The following DUS3L variants were observed in gnomAD, a reference collection of about 807,000 sequenced individuals.
The protein encoded by DUS3L is dihydrouridine synthase 3 like, also known as tRNA-dihydrouridine(47) synthase [NAD(P)(+)]-like.
In DUS3L, 62 loss-of-function variants were observed where a neutral mutation model predicts 74.6. The observed-to-expected ratio is 0.83, with a 90% CI of 0.68 to 1.03. The LOEUF (loss-of-function observed/expected upper bound fraction) is 1.03, where lower values mean the gene tolerates loss of function less well. Among genes scored for constraint, DUS3L ranks in the 50% least tolerant of loss-of-function variants. The pLI is 0.00. For synonymous variants in DUS3L, 433 were observed against 395.7 expected, an observed-to-expected ratio of 1.09 and a Z score of -1.12; for missense variants, 884 against 924.4, an observed-to-expected ratio of 0.96 and a Z score of 0.57.
chr19:5,787,799 G>C (rs1568386936), intron 5 of DUS3L, 94 bp from the exon 6 acceptor site: 1 of 1,497,166 alleles, frequency 6.7e-7, no homozygotes, highest in Non-Finnish European at 9.2e-7. Flanking sequence ...CCCTGAGCCA[G>C]TGGCCTCCTC....
rs943332803 is a variant in DUS3L, at chr19:5,785,616, A to G, written c.1738T>C (p.Ser580Pro). ...CCCGGTGCCCACCGGCACAGGAAGGACAGCCACTCGAGCAGAAAGCGCCGG... is the reference window on the plus strand; with the variant it reads ...CCCGGTGCCCACCGGCACAGGAAGGGCAGCCACTCGAGCAGAAAGCGCCGG... Reference protein sequence around the residue: ...KTRRFLLEWLSFLCRYVPVGL... With the variant: ...KTRRFLLEWLPFLCRYVPVGL... The change falls in exon 11 of 13, where the codon TCC becomes CCC. Residue 580 changes from serine (S) to proline (P), a missense_variant. Coordinates refer to ENST00000309061, the MANE Select transcript of DUS3L (RefSeq NM_020175.3). The G allele has an allele frequency of 1.2e-6, 2 of 1,607,100 alleles. No individual in the cohort carries two copies. Among genetic ancestry groups the G allele is most frequent in the Non-Finnish European group, 1.7e-6 (2 of 1,176,718 alleles).
intron 1 of DUS3L, chr19:5,790,773 G>A (rs1397646787): frequency 5.2e-6 from 3 of 581,366 alleles, no homozygotes; most frequent in Non-Finnish European, 9.2e-6. Flanking sequence ...CATATGCAGG[G>A]ACTACAATCC....
chr19:5,791,047 C>A lies in DUS3L; in HGVS notation c.95G>T (p.Arg32Leu). ...CCCTCCTGCCCCGGCGACTCACTGA[C>A]GCTTAATGGGCGCCACTCCTCGTTC... ...ALERGVAPIK[R>L]QYLTTKEQFH... The change falls in exon 1 of 13, where the codon CGT (arginine) becomes CTT (leucine). Residue 32 changes from arginine to leucine, a missense_variant. Transcript: ENST00000309061. 6.2e-7 allele frequency: 1 copy of A among 1,600,676 alleles called. No individual in the cohort carries two copies. The highest frequency in any genetic ancestry group is 8.5e-7 in the Non-Finnish European group (1 of 1,174,056).
At chr19:5,785,953 T>A (rs1341474858) in intron 10 of DUS3L, 162 bp from the exon 11 acceptor site, 2 of 764,476 alleles carry the variant, frequency 2.6e-6, no homozygotes, top group Non-Finnish European at 4.0e-6. Context: ...CACAGGACTT[T>A]CTTTTGTTTT....
intron 3 of DUS3L, among the ~76,000 whole-genome samples, chr19:5,788,703 CTCTTT>C (rs1568387753): frequency 2.1e-5 from 3 of 144,494 alleles, no homozygotes; most frequent in African/African-American, 8.1e-5. Context: ...GTGTGTCCAG[CTCTTT>C]TTTTTTTTTT....
Position 5,787,310 on chromosome 19 carries a change from GGAC to G in DUS3L, c.1261_1263del (p.Val421del). On this transcript the variant is annotated inframe_deletion, in exon 7 of 13. Transcript: ENST00000309061. ...GCTGGCCGTACCTGGTTCATGCCACGGACGATCTGCTGGAACTTGGTGGAGCGA... is the reference window on the plus strand; with the variant it reads ...GCTGGCCGTACCTGGTTCATGCCACGGATCTGCTGGAACTTGGTGGAGCGA... 8.5e-7 allele frequency: 1 copy of G among 1,179,274 alleles called. No individual in the cohort carries two copies. Among genetic ancestry groups the G allele is most frequent in the Non-Finnish European group, 1.1e-6 (1 of 930,442 alleles). The allele number at this position is 1,179,274 out of a possible 1,614,324, so 73.1% of individuals were successfully genotyped here.
chr19:5,785,301 G>A, intron 12 of DUS3L, 26 bp from the exon 13 acceptor site: 1 of 1,610,238 alleles, frequency 6.2e-7, no homozygotes, highest in Non-Finnish European at 8.5e-7. Context: ...TGGAAAGCGA[G>A]GTCAGGCCCA....
intron 10 of DUS3L, 109 bp from the exon 11 acceptor site, chr19:5,785,900 A>C: frequency 4.3e-6 from 5 of 1,158,274 alleles, no homozygotes; most frequent in South Asian, 1.7e-5. Context: ...CAAAACCTAC[A>C]AGCCTAGTAA....
intron 4 of DUS3L, 45 bp downstream of exon 4, chr19:5,788,312 C>T (rs776945850): frequency 3.7e-6 from 6 of 1,612,994 alleles, no homozygotes; most frequent in Non-Finnish European, 5.1e-6. Flanking sequence ...GGAATGACCA[C>T]ACTGCCACCC....
In DUS3L at chr19:5,786,384, A is replaced by G. The variant is rs980994288; in HGVS notation, c.1562+83T>C. Reference sequence around the variant, plus strand: ...TCTTGGGACCAACAGCCCACCACAGAACAGGGGTGGGTGACGGCGTGTTGG... The same window carrying G: ...TCTTGGGACCAACAGCCCACCACAGGACAGGGGTGGGTGACGGCGTGTTGG... On this transcript the variant is annotated intron_variant, in intron 10 of 12. Coordinates refer to ENST00000309061, the MANE Select transcript of DUS3L (RefSeq NM_020175.3). 13 of 1,382,550 alleles carry G rather than the reference A, an allele frequency of 9.4e-6. No homozygotes were observed. In the African/African-American group the frequency reaches 1.9e-4, roughly 20 times the overall value. The allele number at this position is 1,382,550 out of a possible 1,614,324, so 85.6% of individuals were successfully genotyped here. A position where few individuals can be genotyped will look rare whatever the true frequency, so the allele number is the denominator to read the frequency against.
rs1352420091 is a variant in DUS3L, at chr19:5,789,451, C to T, written c.656G>A (p.Arg219Gln). 1.6e-5 allele frequency: 25 copies of T among 1,601,310 alleles called. No homozygotes were observed. Among genetic ancestry groups the T allele is most frequent in the East Asian group, 2.2e-5 (1 of 44,778 alleles). The stretch of plus-strand genomic sequence containing the variant: ...TCGCTCGAAGCGGACCTCGCGCTTC[C>T]GCAGCTGCTGCTGCAGGGCTTTGTC... The part of the protein sequence containing the change: ...GLDKALQQQL[R>Q]KREVRFERAE... The change falls in exon 3 of 13, where the codon CGG becomes CAG. Residue 219 changes from arginine to glutamine, a missense_variant. By Grantham distance (43) the Arg-to-Gln change is conservative. Coordinates refer to ENST00000309061, the MANE Select transcript of DUS3L (RefSeq NM_020175.3).
rs745884640 is a variant in DUS3L, at chr19:5,787,285, G to C, written c.1278+11C>G. On this transcript the variant is annotated intron_variant, in intron 7 of 12. Coordinates refer to ENST00000309061, the MANE Select transcript of DUS3L (RefSeq NM_020175.3). ...GTTTGGGAGCCAGTGCGAGGATGTGGCTGGCCGTACCTGGTTCATGCCACG... is the reference window on the plus strand; with the variant it reads ...GTTTGGGAGCCAGTGCGAGGATGTGCCTGGCCGTACCTGGTTCATGCCACG... The C allele has an allele frequency of 3.6e-6, 5 of 1,380,170 alleles. No individual in the cohort carries two copies. In the Admixed American group the frequency reaches 1.1e-4, roughly 31 times the overall value. 85.5% of individuals were successfully genotyped at this position (1,380,170 alleles called of 1,614,324 possible).
At chr19:5,785,812 A>G in intron 10 of DUS3L, 21 bp from the exon 11 acceptor site, 1 of 1,554,724 alleles carries the variant, frequency 6.4e-7, no homozygotes, top group East Asian at 2.3e-5. Flanking sequence ...GGTGACGATC[A>G]GTGGGCCCAG....
chr19:5,789,156 G>C (rs915290705), intron 3 of DUS3L, 51 bp downstream of exon 3: 6 of 1,496,704 alleles, frequency 4.0e-6, no homozygotes, highest in Non-Finnish European at 5.3e-6. Context: ...GTATTTAATA[G>C]ACGCACACCA....
intron 10 of DUS3L, 116 bp downstream of exon 10, chr19:5,786,351 T>C: frequency 1.0e-6 from 1 of 970,834 alleles, no homozygotes; most frequent in Non-Finnish European, 1.5e-6. Flanking sequence ...CGCTCTCTGC[T>C]CCTCCCATCT....
Position 5,790,136 on chromosome 19 carries a change from G to C in DUS3L, c.298C>G (p.Gln100Glu), listed in dbSNP as rs763296563. 6.2e-7 allele frequency: 1 copy of C among 1,614,012 alleles called. No individual in the cohort carries two copies. Among genetic ancestry groups the C allele is most frequent in the African/African-American group, 1.3e-5 (1 of 74,906 alleles). The change falls in exon 2 of 13, where the codon CAG (glutamine) becomes GAG (glutamate). Residue 100 changes from glutamine to glutamate, a missense_variant. By Grantham distance (29) the Gln-to-Glu change is conservative (BLOSUM62 2). Transcript: ENST00000309061. ...TTGTTTTGTCCCCGGGCCCTCTTCT[G>C]AGTCTGTAGCTGCTCCCCGGGCTCT... ...AAEPGEQLQT[Q>E]KRARGQNKGR...
At chr19:5,789,169 T>C (rs774813547) in intron 3 of DUS3L, 38 bp downstream of exon 3, 9 of 1,504,680 alleles carry the variant, frequency 6.0e-6, no homozygotes, top group Middle Eastern at 1.8e-4. Context: ...GCACACCAGA[T>C]GGACAGATCT....
At chr19:5,787,973 C>T in intron 5 of DUS3L, 51 bp downstream of exon 5, 1 of 1,598,792 alleles carries the variant, frequency 6.3e-7, no homozygotes, top group Non-Finnish European at 8.5e-7. Flanking sequence ...GGCTCTGAGA[C>T]AGGACGGCCG....
At position 5,787,329 on chromosome 19, in the gene DUS3L, G is replaced by A; in HGVS notation, c.1245C>T (p.Thr415=). Residue 415 remains threonine (T), a synonymous_variant, in exon 7 of 13, where the codon ACC becomes ACT. Coordinates refer to ENST00000309061, the MANE Select transcript of DUS3L (RefSeq NM_020175.3). ...GGGCALMNRS[T]KFQQIVRGMN... ...TGCCACGGACGATCTGCTGGAACTT[G>A]GTGGAGCGATTCATGAGGGCACAGC... 5.0e-6 allele frequency: 8 copies of A among 1,603,184 alleles called. No homozygotes were observed. The highest frequency in any genetic ancestry group is 6.8e-6 in the Non-Finnish European group (8 of 1,175,756).
Sources: gnomAD v4.1 joint callset for allele counts (sites outside exome capture counted in the v4.1 genomes callset) on GRCh38, gnomAD v4.1.1 for gene constraint, MANE v1.5 for transcripts, NCBI Gene and HGNC (gene_info 2026-07-23, HGNC 2026-07-21) for gene names.